Variants in ADAMTSL1 observed in about 807,000 individuals in gnomAD.
The protein encoded by ADAMTSL1 is ADAMTS like 1.
ADAMTSL1 carries 126 observed loss-of-function variants against 201.8 expected under a neutral mutation model. The ratio of observed to expected loss-of-function variants is 0.62; its 90% CI spans 0.54 to 0.72. The LOEUF (loss-of-function observed/expected upper bound fraction) is 0.72. Ranked by LOEUF, ADAMTSL1 falls within the 30% of genes least tolerant of loss-of-function variation. The pLI, the probability that ADAMTSL1 is intolerant of heterozygous loss-of-function variation, is 0.00. For synonymous variants in ADAMTSL1, 1,121 were observed against 903.4 expected (o/e 1.24, Z -4.32); for missense variants, 2,679 against 2,277.8 (o/e 1.18, Z -3.59).
chr9:18,779,491 C>T (rs1328764467), intron 19 of ADAMTSL1, among the ~76,000 whole-genome samples: 1 of 152,128 alleles, frequency 6.6e-6, no homozygotes. Flanking sequence ...ACTGTAGTTA[C>T]CACATCTTAG....
intron 2 of ADAMTSL1, chr9:18,360,506 G>A (rs1452465302): frequency 6.6e-6 from 1 of 152,054 alleles, no homozygotes; most frequent in Non-Finnish European, 1.5e-5. Context: ...TCATGCTTTG[G>A]GGTAAAGAGG....
chr9:18,665,165 G>C (rs763918178), intron 9 of ADAMTSL1, among the ~76,000 whole-genome samples: 1 of 151,992 alleles, frequency 6.6e-6, no homozygotes. Context: ...GTGATAATAA[G>C]AATTTTCTCA....
At chr9:18,537,108 C>G (rs112889298) in intron 3 of ADAMTSL1, among the ~76,000 whole-genome samples, 13 of 152,116 alleles carry the variant, frequency 8.5e-5, no homozygotes, top group African/African-American at 3.1e-4. Context: ...TGTATTAAGC[C>G]CAAGAATTCT....
chr9:18,892,403 CCTG>C lies in ADAMTSL1; in HGVS notation c.4659_4661del (p.Trp1554del). On this transcript the variant is annotated inframe_deletion, in exon 26 of 29. Coordinates refer to ENST00000380548, the MANE Select transcript of ADAMTSL1 (RefSeq NM_001040272.6). ...CCTCTCCCCAGGTGGATGGTGACCT[CCTG>C]GTCTGCCTGTACCCGGAGCTGTGGG... 1 of 1,612,928 alleles carries C rather than the reference CCTG, an allele frequency of 6.2e-7. No individual in the cohort carries two copies. Among genetic ancestry groups the C allele is most frequent in the Non-Finnish European group, 8.5e-7 (1 of 1,179,636 alleles).
intron 1 of ADAMTSL1, among the ~76,000 whole-genome samples, chr9:18,492,638 A>G (rs1247302444): frequency 1.3e-5 from 2 of 152,194 alleles, no homozygotes; most frequent in Admixed American, 6.5e-5. Flanking sequence ...TAAAAAAATA[A>G]CTCTATGAGT....
rs757353034 is a variant in ADAMTSL1, at chr9:18,700,981, A to T, written c.1575-5766A>T. Among the ~76,000 whole-genome samples the T allele has an allele frequency of 8.5e-5, 13 of 152,336 alleles. No individual in the cohort carries two copies. The East Asian group carries it at 1.5e-3, about 18-fold the overall frequency. ...TTTATTTAGGCAAATATGAATGCCCAAATGAATTTACAAATAGATGCAAAA... is the reference window on the plus strand; with the variant it reads ...TTTATTTAGGCAAATATGAATGCCCTAATGAATTTACAAATAGATGCAAAA... On this transcript the variant is annotated intron_variant, in intron 13 of 28. Coordinates refer to ENST00000380548, the MANE Select transcript of ADAMTSL1 (RefSeq NM_001040272.6).
intron 23 of ADAMTSL1, among the ~76,000 whole-genome samples, chr9:18,866,147 T>G (rs1827530555): frequency 1.1e-5 from 1 of 91,744 alleles, no homozygotes; most frequent in Non-Finnish European, 2.1e-5. Context: ...ATACTTCATT[T>G]GTTTTAACAA....
chr9:18,087,739 A>G (rs1397643944), intron 1 of ADAMTSL1, among the ~76,000 whole-genome samples: 1 of 152,186 alleles, frequency 6.6e-6, no homozygotes, highest in Non-Finnish European at 1.5e-5. Flanking sequence ...GTAAAAAGAA[A>G]GGTAGAAAAT....
chr9:18,595,250 G>T (rs564185484), intron 4 of ADAMTSL1, among the ~76,000 whole-genome samples: 1 of 152,202 alleles, frequency 6.6e-6, no homozygotes, highest in African/African-American at 2.4e-5. Flanking sequence ...CCTTACTGCA[G>T]TGAAAGGGGC....
intron 1 of ADAMTSL1, among the ~76,000 whole-genome samples, chr9:17,995,826 A>G (rs759803564): frequency 2.6e-5 from 4 of 151,546 alleles, no homozygotes; most frequent in Non-Finnish European, 5.9e-5. Flanking sequence ...CTGGTGCTGG[A>G]AATAGAGGAT....
intron 1 of ADAMTSL1, among the ~76,000 whole-genome samples, chr9:17,931,832 C>G (rs1464797519): frequency 6.6e-6 from 1 of 152,104 alleles, no homozygotes; most frequent in Non-Finnish European, 1.5e-5. Context: ...CAGAGCTAGA[C>G]AATGATGGAG....
intron 19 of ADAMTSL1, among the ~76,000 whole-genome samples, chr9:18,785,664 G>A (rs1198183578): frequency 3.9e-5 from 6 of 152,170 alleles, no homozygotes; most frequent in African/African-American, 1.2e-4. Context: ...GCTAACTCCA[G>A]TCTGCTTTTG....
At chr9:18,555,179 A>G (rs1490395297) in intron 3 of ADAMTSL1, among the ~76,000 whole-genome samples, 2 of 151,690 alleles carry the variant, frequency 1.3e-5, no homozygotes, top group Admixed American at 6.6e-5. Context: ...GCAGATATTC[A>G]TCTTCTTCCA....
chr9:18,154,959 C>G (rs902129920), intron 1 of ADAMTSL1, among the ~76,000 whole-genome samples: 1 of 151,980 alleles, frequency 6.6e-6, no homozygotes, highest in Admixed American at 6.6e-5. Flanking sequence ...TTTTCAGAGA[C>G]AAGGCCATGG....
intron 2 of ADAMTSL1, among the ~76,000 whole-genome samples, chr9:18,222,815 G>T (rs1276089914): frequency 6.6e-6 from 1 of 151,726 alleles, no homozygotes; most frequent in African/African-American, 2.4e-5. Flanking sequence ...TTCTTGAAAA[G>T]TAGTTTTCCT....
intron 2 of ADAMTSL1, among the ~76,000 whole-genome samples, chr9:18,222,155 G>T (rs1012999637): frequency 1.3e-5 from 2 of 151,710 alleles, no homozygotes; most frequent in Non-Finnish European, 2.9e-5. Context: ...TTAACTTTCA[G>T]TGTTTTCTTT....
intron 1 of ADAMTSL1, among the ~76,000 whole-genome samples, chr9:17,988,688 C>T (rs76950402): frequency 0.019 from 2,845 of 151,912 alleles, 105 homozygotes; most frequent in African/African-American, 0.065. Context: ...GATTTAACTT[C>T]TCCTCTGCTG....
intron 15 of ADAMTSL1, among the ~76,000 whole-genome samples, chr9:18,743,853 G>A (rs1366821581): frequency 6.6e-6 from 1 of 152,122 alleles, no homozygotes; most frequent in Admixed American, 6.5e-5. Context: ...GAATACAGTG[G>A]TTTTAAGGGA....
intron 4 of ADAMTSL1, among the ~76,000 whole-genome samples, chr9:18,603,676 C>G (rs1427101220): frequency 1.3e-5 from 2 of 152,148 alleles, no homozygotes; most frequent in East Asian, 1.9e-4. Context: ...GTGTCTGTTG[C>G]TTTTCTGCCT....
Sources: gnomAD v4.1 joint callset for allele counts (sites outside exome capture counted in the v4.1 genomes callset) on GRCh38, gnomAD v4.1.1 for gene constraint, MANE v1.5 for transcripts, NCBI Gene and HGNC (gene_info 2026-07-23, HGNC 2026-07-21) for gene names.